The following PLA2G4F variants were observed in gnomAD, a reference collection of about 807,000 sequenced individuals.
The protein encoded by PLA2G4F is cytosolic phospholipase A2 zeta.
A neutral mutation model predicts 103.1 loss-of-function variants in PLA2G4F; 105 were observed. The ratio of observed to expected loss-of-function variants is 1.02; its 90% CI spans 0.87 to 1.20. The LOEUF is 1.20. Among genes scored for constraint, PLA2G4F ranks in the 50% most tolerant of loss-of-function variants. The pLI is 0.00. For synonymous variants in PLA2G4F, 468 were observed against 441.1 expected, an observed-to-expected ratio of 1.06 and a Z score of -0.76; for missense variants, 1,155 against 1,075.9, an observed-to-expected ratio of 1.07 and a Z score of -1.03.
rs996216581 is a variant in PLA2G4F, at chr15:42,141,492, G to A, written c.*492C>T. 4.5e-6 allele frequency: 2 copies of A among 441,632 alleles called. No individual in the cohort carries two copies. The highest frequency in any genetic ancestry group is 9.1e-6 in the Non-Finnish European group (2 of 219,420). The allele number at this position is 441,632 out of a possible 1,614,324, so 27.4% of individuals were successfully genotyped here. ...CCTCAGCCCCTCATTGTTCTTGATAGCAGTGCATCCAGGAGCTCGAGGTGG... is the reference window on the plus strand; with the variant it reads ...CCTCAGCCCCTCATTGTTCTTGATAACAGTGCATCCAGGAGCTCGAGGTGG... On this transcript the variant is annotated 3_prime_UTR_variant, in exon 20 of 20. Coordinates refer to ENST00000397272, the MANE Select transcript of PLA2G4F (RefSeq NM_213600.4).
In PLA2G4F at chr15:42,141,192, C is replaced by T. The variant is rs1333166866; in HGVS notation, c.*792G>A. ...GATGAACTGATGCCCCTACTAGACA[C>T]ACCCATTTAGCTCCTAGGAATGGTG... On this transcript the variant is annotated 3_prime_UTR_variant, in exon 20 of 20. Coordinates refer to ENST00000397272, the MANE Select transcript of PLA2G4F (RefSeq NM_213600.4). 2 of 455,968 alleles carry T rather than the reference C, an allele frequency of 4.4e-6. No individual in the cohort carries two copies. The highest frequency in any genetic ancestry group is 2.0e-5 in the African/African-American group (1 of 50,056). The allele number at this position is 455,968 out of a possible 1,614,324, so 28.2% of individuals were successfully genotyped here. A position where few individuals can be genotyped will look rare whatever the true frequency, so the allele number is the denominator to read the frequency against.
Position 42,147,262 on chromosome 15 carries a change from G to A in PLA2G4F, c.1281C>T (p.Cys427=). The change falls in exon 13 of 20, where the codon TGC becomes TGT. Residue 427 remains cysteine, a synonymous_variant. Coordinates refer to ENST00000397272, the MANE Select transcript of PLA2G4F (RefSeq NM_213600.4). The part of the protein sequence containing the change: ...GPIERAQVHV[C]SSKMGALSTE... ...TGGACAAAGCTCCCATCTTACTGCT[G>A]CAGACGTGAACCTGGGCACGCTCAA... 2 of 1,612,072 alleles carry A rather than the reference G, an allele frequency of 1.2e-6. No homozygotes were observed. The highest frequency in any genetic ancestry group is 1.1e-5 in the South Asian group (1 of 91,016).
rs531818300 is a variant in PLA2G4F at position 42,151,669 on chromosome 15, C to T, written c.602-892G>A. ...CATGACCAAGTGTGGGGAGGGAATT[C>T]AAGAAAATAAGGAAAGTGATATTTT... On this transcript the variant is annotated intron_variant, in intron 7 of 19. Coordinates refer to ENST00000397272, the MANE Select transcript of PLA2G4F (RefSeq NM_213600.4). 23 of 983,884 alleles carry T rather than the reference C, an allele frequency of 2.3e-5. No homozygotes were observed. The East Asian group carries it at 2.4e-3, about 102-fold the overall frequency. 60.9% of individuals were successfully genotyped at this position (983,884 alleles called of 1,614,324 possible). A position where few individuals can be genotyped will look rare whatever the true frequency, so the allele number is the denominator to read the frequency against.
At chr15:42,148,873 G>A (rs540852500) in intron 11 of PLA2G4F, 11 of 985,360 alleles carry the variant, frequency 1.1e-5, no homozygotes, top group South Asian at 9.4e-5. Context: ...AGGCGCTGTC[G>A]CTTCAGAGTG....
At chr15:42,148,919 G>C (rs762166969) in intron 11 of PLA2G4F, 2 of 985,340 alleles carry the variant, frequency 2.0e-6, no homozygotes, top group Non-Finnish European at 2.4e-6. Flanking sequence ...GCACAGAGAG[G>C]GCATACATAT....
At chr15:42,146,914 C>T (rs1048512697) in intron 13 of PLA2G4F, 17 of 573,040 alleles carry the variant, frequency 3.0e-5, no homozygotes, top group African/African-American at 5.6e-5. Context: ...CTGAGCGCTG[C>T]GGACCAGGCT....
chr15:42,150,542 A>G, intron 8 of PLA2G4F, 56 bp from the exon 9 acceptor site: 1 of 1,598,888 alleles, frequency 6.3e-7, no homozygotes, highest in South Asian at 1.1e-5. Flanking sequence ...AGTCTCCCCC[A>G]ACGTGGCCCT....
intron 11 of PLA2G4F, chr15:42,149,356 G>A: frequency 1.7e-6 from 1 of 586,720 alleles, no homozygotes; most frequent in Non-Finnish European, 2.1e-6. Context: ...GGCCACATGA[G>A]GACATGGCGA....
chr15:42,141,798 G>A lies in PLA2G4F; in HGVS notation c.*186C>T, dbSNP rs956398987. ...CCCATCTTCTCCAAAAACACACAAG[G>A]AGAGCCCTGCCCCAGTCCAAGCTGC... On this transcript the variant is annotated 3_prime_UTR_variant, in exon 20 of 20. Transcript: ENST00000397272. 9 of 640,032 alleles carry A rather than the reference G, an allele frequency of 1.4e-5. No homozygotes were observed. The African/African-American group carries it at 1.5e-4, about 10-fold the overall frequency. 39.6% of individuals were successfully genotyped at this position (640,032 alleles called of 1,614,324 possible). A position where few individuals can be genotyped will look rare whatever the true frequency, so the allele number is the denominator to read the frequency against.
Position 42,145,780 on chromosome 15 carries a change from A to G in PLA2G4F, c.1658T>C (p.Ile553Thr). 1 of 1,614,010 alleles carries G rather than the reference A, an allele frequency of 6.2e-7. No individual in the cohort carries two copies. The highest frequency in any genetic ancestry group is 8.5e-7 in the Non-Finnish European group (1 of 1,180,016). ...CCTCGACTCACCTTGCAGGTAACAG[A>G]TCCGGGGTTCAGGCTGGAGCTGCAG... ...RLLQLQPEPR[I>T]CYLQGMWGSA... Residue 553 changes from isoleucine (I) to threonine (T), a missense_variant, in exon 15 of 20, where the codon ATC becomes ACC. By Grantham distance (89) the Ile-to-Thr change is moderately conservative. Around this residue, in one of 3 missense-constraint regions of PLA2G4F, gnomAD observed 782 missense variants for 692.9 expected, o/e 1.13. Transcript: ENST00000397272.
chr15:42,147,966 G>T (rs183943459), intron 11 of PLA2G4F: 4 of 322,868 alleles, frequency 1.2e-5, no homozygotes, highest in Non-Finnish European at 1.8e-5. Flanking sequence ...CGAGGCGGGC[G>T]GATCATGAGG....
chr15:42,154,809 C>T (rs943879658), intron 2 of PLA2G4F, among the ~76,000 whole-genome samples: 1 of 152,102 alleles, frequency 6.6e-6, no homozygotes, highest in African/African-American at 2.4e-5. Flanking sequence ...GTAGCCACAG[C>T]GGGCCTCACA....
chr15:42,156,589 G>T lies in PLA2G4F; in HGVS notation c.-40C>A. On this transcript the variant is annotated 5_prime_UTR_variant, in exon 1 of 20. Coordinates refer to ENST00000397272, the MANE Select transcript of PLA2G4F (RefSeq NM_213600.4). ...GGCCCCAGCAGGGAACCCTGCCTGC[G>T]CTCCTCTGGTTGCACAAACTGCTGG... 1 of 1,415,896 alleles carries T rather than the reference G, an allele frequency of 7.1e-7. No individual in the cohort carries two copies. Among genetic ancestry groups the T allele is most frequent in the Non-Finnish European group, 9.6e-7 (1 of 1,041,384 alleles). The allele number at this position is 1,415,896 out of a possible 1,614,324, so 87.7% of individuals were successfully genotyped here.
Position 42,154,074 on chromosome 15 carries a change from C to A in PLA2G4F, c.450+18G>T, listed in dbSNP as rs369945871. ...CCCCTCCTCCAGCTGGGCTCTCCGC[C>A]AGCACTGGTGGGCTCACCTGGTGGT... On this transcript the variant is annotated intron_variant, in intron 4 of 19. Transcript: ENST00000397272. The A allele has an allele frequency of 3.3e-5, 53 of 1,614,016 alleles. No homozygotes were observed. Among genetic ancestry groups the A allele is most frequent in the Non-Finnish European group, 4.5e-5 (53 of 1,180,004 alleles).
At position 42,153,656 on chromosome 15, in the gene PLA2G4F, G is replaced by A. The variant is rs375021460; in HGVS notation, c.455C>T (p.Ser152Leu). 3.7e-6 allele frequency: 6 copies of A among 1,614,184 alleles called. No homozygotes were observed. Among genetic ancestry groups the A allele is most frequent in the Non-Finnish European group, 4.2e-6 (5 of 1,180,026 alleles). Residue 152 changes from serine to leucine, a missense_variant, in exon 5 of 20, where the codon TCA (serine) becomes TTA (leucine). Coordinates refer to ENST00000397272, the MANE Select transcript of PLA2G4F (RefSeq NM_213600.4). ...AACAAATTCCACCTGCAGCTCTTGT[G>A]AATCCTACATGGAGGGGGAGGGAGC... is the stretch of plus-strand genomic sequence containing the variant. ...KHTFPLNHQD[S>L]QELQVEFVLE... is the part of the protein sequence containing the mutation.
At chr15:42,143,226 G>C (rs2048844012) in intron 18 of PLA2G4F, among the ~76,000 whole-genome samples, 1 of 140,244 alleles carries the variant, frequency 7.1e-6, no homozygotes. Flanking sequence ...CAGTGGTGTT[G>C]TGAAGATTAA....
rs537477264 is a variant in PLA2G4F, at chr15:42,151,476, G to A, written c.602-699C>T. The A allele has an allele frequency of 1.4e-4, 140 of 985,222 alleles. 1 individual carries two copies. Among genetic ancestry groups the A allele is most frequent in the South Asian group, 5.6e-4 (12 of 21,270 alleles). The allele number at this position is 985,222 out of a possible 1,614,324, so 61.0% of individuals were successfully genotyped here. A position where few individuals can be genotyped will look rare whatever the true frequency, so the allele number is the denominator to read the frequency against. On this transcript the variant is annotated intron_variant, in intron 7 of 19. Coordinates refer to ENST00000397272, the MANE Select transcript of PLA2G4F (RefSeq NM_213600.4). ...GGAGAAATGGCTGCACATGACATCC[G>A]GGCAGAGGGGGCCGCAGACAGCCTC...
rs565178206 is a variant in PLA2G4F at position 42,141,686 on chromosome 15, T to C, written c.*298A>G. ...CTGTGTCTGGGGTGGGCTCTGTGGC[T>C]CACCTGATTCTCTCCACACCCCGCT... On this transcript the variant is annotated 3_prime_UTR_variant, in exon 20 of 20. Coordinates refer to ENST00000397272, the MANE Select transcript of PLA2G4F (RefSeq NM_213600.4). 5 of 536,884 alleles carry C rather than the reference T, an allele frequency of 9.3e-6. No individual in the cohort carries two copies. Among genetic ancestry groups the C allele is most frequent in the African/African-American group, 7.5e-5 (4 of 53,104 alleles). 33.3% of individuals were successfully genotyped at this position (536,884 alleles called of 1,614,324 possible).
intron 9 of PLA2G4F, 23 bp from the exon 10 acceptor site, chr15:42,150,164 C>G (rs2048940778): frequency 6.2e-7 from 1 of 1,614,166 alleles, no homozygotes; most frequent in Non-Finnish European, 8.5e-7. Context: ...GCAGCCCCAA[C>G]CCTGAGTTCT....
Sources: allele counts gnomAD v4.1 joint callset (sites outside exome capture counted in the v4.1 genomes callset), GRCh38; gene constraint gnomAD v4.1.1; regional missense constraint gnomAD v4.1.1; transcripts MANE v1.5; gene names NCBI Gene and HGNC (gene_info 2026-07-23, HGNC 2026-07-21).